ATF7IP: variants seen among roughly 807,000 people sequenced by gnomAD.
ATF7IP encodes activating transcription factor 7-interacting protein 1.
ATF7IP carries 23 observed loss-of-function variants against 106.4 expected under a neutral mutation model. The ratio of observed to expected loss-of-function variants is 0.22; its 90% confidence interval spans 0.16 to 0.31. The LOEUF is 0.31. Ranked by LOEUF, ATF7IP falls within the 10% of genes least tolerant of loss-of-function variation. The pLI, the probability that ATF7IP is intolerant of heterozygous loss-of-function variation, is 1.00. For missense variants in ATF7IP, 1,334 were observed against 1,524.3 expected (o/e 0.88, Z 2.08); for synonymous variants, 542 against 539.0 (o/e 1.01, Z -0.08).
intron 11 of ATF7IP, among the ~76,000 whole-genome samples, chr12:14,478,027 A>G (rs1412079364): frequency 6.6e-6 from 1 of 152,208 alleles, no homozygotes; most frequent in Non-Finnish European, 1.5e-5. Flanking sequence ...TTATGCAAGT[A>G]ATGAGTTATT....
At chr12:14,434,041 T>A (rs1942274568) in intron 2 of ATF7IP, among the ~76,000 whole-genome samples, 2 of 152,356 alleles carry the variant, frequency 1.3e-5, no homozygotes, top group Middle Eastern at 6.8e-3. Flanking sequence ...TTTCACATTT[T>A]ATTAATGTTA....
At chr12:14,491,187 TCTC>T (rs1278531890) in intron 13 of ATF7IP, among the ~76,000 whole-genome samples, 2 of 152,092 alleles carry the variant, frequency 1.3e-5, no homozygotes, top group African/African-American at 2.4e-5. Context: ...TGCAGAGCCT[TCTC>T]CTGTTCTGGA....
chr12:14,484,335 G>T (rs1944521133), intron 13 of ATF7IP, among the ~76,000 whole-genome samples: 1 of 152,162 alleles, frequency 6.6e-6, no homozygotes, highest in Admixed American at 6.5e-5. Flanking sequence ...CACAGAACAG[G>T]TCATCCTATC....
rs1036445692 is a variant in ATF7IP, at chr12:14,460,365, A to G, written c.2159-130A>G. 3 of 908,020 alleles carry G rather than the reference A, an allele frequency of 3.3e-6. No homozygotes were observed. The Admixed American group carries it at 9.4e-5, about 29-fold the overall frequency. 56.2% of individuals were successfully genotyped at this position (908,020 alleles called of 1,614,324 possible). On this transcript the variant is annotated intron_variant, in intron 8 of 14. Transcript: ENST00000261168. ...TTTTGGAATTTAAATCTGGAAAAAA[A>G]TTTCATGATAAAAGACTTTACAGTC...
chr12:14,422,299 CAA>C (rs1170263516), intron 1 of ATF7IP, among the ~76,000 whole-genome samples: 1 of 138,602 alleles, frequency 7.2e-6, no homozygotes, highest in Non-Finnish European at 1.5e-5. Context: ...CACAACTTAC[CAA>C]AAAAAGAGAA....
At chr12:14,375,147 A>T (rs895564439) in intron 1 of ATF7IP, among the ~76,000 whole-genome samples, 1 of 152,000 alleles carries the variant, frequency 6.6e-6, no homozygotes, top group African/African-American at 2.4e-5. Context: ...AGGTGAAAAA[A>T]AAAAGGGAAT....
At chr12:14,382,859 A>G (rs1402173770) in intron 1 of ATF7IP, among the ~76,000 whole-genome samples, 1 of 152,206 alleles carries the variant, frequency 6.6e-6, no homozygotes, top group Non-Finnish European at 1.5e-5. Context: ...TGAGAGAGTA[A>G]TGATACCTGG....
At chr12:14,396,004 C>A (rs887514904) in intron 1 of ATF7IP, among the ~76,000 whole-genome samples, 4 of 151,954 alleles carry the variant, frequency 2.6e-5, no homozygotes, top group African/African-American at 9.7e-5. Flanking sequence ...TAATCTACTA[C>A]CATTGCTGTA....
At chr12:14,466,658 A>G in intron 10 of ATF7IP, 68 bp downstream of exon 10, 4 of 1,218,308 alleles carry the variant, frequency 3.3e-6, no homozygotes, top group South Asian at 2.7e-5. Flanking sequence ...AATTTTCATC[A>G]TTCTTTGATT....
At chr12:14,474,127 T>G (rs910903777) in intron 10 of ATF7IP, among the ~76,000 whole-genome samples, 1 of 151,854 alleles carries the variant, frequency 6.6e-6, no homozygotes, top group African/African-American at 2.4e-5. Flanking sequence ...ATTTAGGGTT[T>G]TGCTGAACTG....
chr12:14,442,711 T>C (rs543662087), intron 5 of ATF7IP, among the ~76,000 whole-genome samples: 2 of 152,364 alleles, frequency 1.3e-5, no homozygotes, highest in South Asian at 4.1e-4. Context: ...GACAAATTGT[T>C]CTATTGGTCT....
intron 2 of ATF7IP, among the ~76,000 whole-genome samples, chr12:14,430,513 A>G (rs1942063167): frequency 6.6e-6 from 1 of 152,226 alleles, no homozygotes. Context: ...AACTAATACA[A>G]AATGTCTGGA....
At position 14,500,407 on chromosome 12, in the gene ATF7IP, C is replaced by T. The variant is rs1281825799; in HGVS notation, c.*2334C>T. 6.6e-6 allele frequency: 1 copy of T among 152,024 alleles called. No homozygotes were observed. Among genetic ancestry groups the T allele is most frequent in the Non-Finnish European group, 1.5e-5 (1 of 68,020 alleles). The allele number at this position is 152,024 out of a possible 1,614,324, so 9.4% of individuals were successfully genotyped here. On this transcript the variant is annotated 3_prime_UTR_variant, in exon 15 of 15. Coordinates refer to ENST00000261168, the MANE Select transcript of ATF7IP (RefSeq NM_018179.5). ...TATGCTATAAATCAAATTTGCCAAC[C>T]AATTATGTAGATATTACTCATTCTA...
intron 1 of ATF7IP, among the ~76,000 whole-genome samples, chr12:14,396,578 G>A (rs1007324696): frequency 1.3e-5 from 2 of 152,144 alleles, no homozygotes; most frequent in African/African-American, 2.4e-5. Context: ...GTTTGAGGTT[G>A]GATGAGGAGA....
In ATF7IP at chr12:14,498,141, A is replaced by G; in HGVS notation, c.*68A>G. The G allele has an allele frequency of 7.1e-7, 1 of 1,402,374 alleles. No homozygotes were observed. Among genetic ancestry groups the G allele is most frequent in the South Asian group, 1.4e-5 (1 of 71,754 alleles). The allele number at this position is 1,402,374 out of a possible 1,614,324, so 86.9% of individuals were successfully genotyped here. ...TTTGGTCTTGTTTTTAATCTTGTGC[A>G]TGATACCCCATGTAAAATCCACCTT... On this transcript the variant is annotated 3_prime_UTR_variant, in exon 15 of 15. Transcript: ENST00000261168.
chr12:14,446,370 A>G (rs1942959667), intron 5 of ATF7IP, among the ~76,000 whole-genome samples: 1 of 152,022 alleles, frequency 6.6e-6, no homozygotes, highest in African/African-American at 2.4e-5. Flanking sequence ...CTGGTCTCGA[A>G]CTCTTGGCCT....
chr12:14,479,988 A>G (rs2136807668), intron 12 of ATF7IP, among the ~76,000 whole-genome samples: 1 of 151,560 alleles, frequency 6.6e-6, no homozygotes, highest in South Asian at 2.1e-4. Flanking sequence ...AGATTATGGA[A>G]TGGGGAGTAA....
chr12:14,487,787 A>G (rs566591469), intron 13 of ATF7IP, among the ~76,000 whole-genome samples: 53 of 152,242 alleles, frequency 3.5e-4, no homozygotes, highest in African/African-American at 1.2e-3. Flanking sequence ...AAGCCAGGAG[A>G]CAGAATCCCT....
At chr12:14,463,926 TA>T (rs929722425) in intron 9 of ATF7IP, among the ~76,000 whole-genome samples, 3 of 152,100 alleles carry the variant, frequency 2.0e-5, no homozygotes, top group African/African-American at 7.2e-5. Flanking sequence ...AACTAGATAT[TA>T]AAAAAAGAAC....
Sources: allele counts gnomAD v4.1 joint callset (sites outside exome capture counted in the v4.1 genomes callset), GRCh38; gene constraint gnomAD v4.1.1; transcripts MANE v1.5; gene names NCBI Gene and HGNC (gene_info 2026-07-23, HGNC 2026-07-21).